Variants in FAM149A observed in about 807,000 individuals in gnomAD.
The protein encoded by FAM149A is family with sequence similarity 149 member A, also known as protein FAM149A.
FAM149A carries 71 observed loss-of-function variants against 78.2 expected under a neutral mutation model. That is an observed-to-expected ratio of 0.91 (90% confidence interval 0.75 to 1.11). FAM149A has a LOEUF of 1.11. FAM149A is among the 50% of genes least tolerant of loss of function. The probability of loss-of-function intolerance (pLI) is 0.00; values close to 1 mark genes in which losing one functional copy is unlikely to be tolerated. For synonymous variants in FAM149A, 446 were observed against 410.5 expected (o/e 1.09, Z -1.04); for missense variants, 1,036 against 971.0 (o/e 1.07, Z -0.89).
chr4:186,144,709 C>A lies in FAM149A; in HGVS notation c.567-4464C>A. ...GCAGGGAGCGGGGAAGGCGCGCTTT[C>A]CCGGAGGTCGGCGCGGGGCCGGGGC... On this transcript the variant is annotated intron_variant, in intron 1 of 13. Coordinates refer to ENST00000389354, the MANE Select transcript of FAM149A (RefSeq NM_001367768.3). This position sits in a 1 kb window ranked among gnomAD's most constrained non-coding sequence, Gnocchi z 4.2. 2.9e-6 allele frequency: 2 copies of A among 698,054 alleles called. No homozygotes were observed. Among genetic ancestry groups the A allele is most frequent in the Non-Finnish European group, 3.5e-6 (2 of 575,976 alleles). 43.2% of individuals were successfully genotyped at this position (698,054 alleles called of 1,614,324 possible).
intron 1 of FAM149A, chr4:186,125,442 C>A: frequency 1.5e-6 from 1 of 666,334 alleles, no homozygotes; most frequent in Non-Finnish European, 1.9e-6. Flanking sequence ...CGCTGCCTCT[C>A]GGGAGCTGAT....
intron 1 of FAM149A, among the ~76,000 whole-genome samples, chr4:186,108,903 A>G (rs1055964521): frequency 6.7e-5 from 10 of 148,302 alleles, no homozygotes; most frequent in East Asian, 4.0e-4. Flanking sequence ...GCTGGAGTGC[A>G]GTGGCGCGAT....
At chr4:186,151,663 TC>T in intron 3 of FAM149A, 1 of 940,964 alleles carries the variant, frequency 1.1e-6, no homozygotes, top group Non-Finnish European at 1.3e-6. Context: ...TCTCATAACT[TC>T]CGTGGCAGAA....
intron 1 of FAM149A, among the ~76,000 whole-genome samples, chr4:186,117,089 A>G (rs1715053): frequency 0.99 from 150,293 of 152,262 alleles, 74,208 homozygotes; most frequent in Non-Finnish European, 1. Flanking sequence ...TGCCTATTCA[A>G]AGAGACATTG....
chr4:186,171,950 C>G lies in FAM149A; in HGVS notation c.2255C>G (p.Thr752Ser), dbSNP rs1735575359. The G allele has an allele frequency of 6.2e-7, 1 of 1,612,492 alleles. No individual in the cohort carries two copies. Among genetic ancestry groups the G allele is most frequent in the Non-Finnish European group, 8.5e-7 (1 of 1,179,340 alleles). Residue 752 changes from threonine (T) to serine (S), a missense_variant, in exon 14 of 14, where the codon ACT becomes AGT. Thr to Ser is a moderately conservative substitution (Grantham distance 58). Around this residue, in one of 3 missense-constraint regions of FAM149A, gnomAD observed 716 missense variants for 711.8 expected, o/e 1.01. Transcript: ENST00000389354. ...GTGCCTAAATCTTTTCAGAGGACAA[C>G]TTTGACTTTCAAGAGGAGATTCCAA...
At chr4:186,168,091 T>C (rs1735211371) in intron 13 of FAM149A, among the ~76,000 whole-genome samples, 1 of 152,236 alleles carries the variant, frequency 6.6e-6, no homozygotes, top group Non-Finnish European at 1.5e-5. Flanking sequence ...TAAAAATAAA[T>C]TTCGTAACAT....
chr4:186,135,632 T>C (rs750564900), intron 1 of FAM149A, among the ~76,000 whole-genome samples: 2 of 152,208 alleles, frequency 1.3e-5, no homozygotes, highest in Non-Finnish European at 2.9e-5. Context: ...GACAGCGCTG[T>C]CTATACCTCG....
rs562117423 is a variant in FAM149A at position 186,169,805 on chromosome 4, C to T, written c.2219-2109C>T. 3.3e-4 allele frequency: 325 copies of T among 985,392 alleles called. 2 individuals are homozygous for T. The African/African-American group carries it at 5.3e-3, about 16-fold the overall frequency. The allele number at this position is 985,392 out of a possible 1,614,324, so 61.0% of individuals were successfully genotyped here. On this transcript the variant is annotated intron_variant, in intron 13 of 13. Coordinates refer to ENST00000389354, the MANE Select transcript of FAM149A (RefSeq NM_001367768.3). The stretch of plus-strand genomic sequence containing the variant: ...ATATGGCCACTTAACTCATGTAGGA[C>T]CCAGGGAACGGTCCATGCCAGTCAT...
intron 8 of FAM149A, among the ~76,000 whole-genome samples, chr4:186,162,333 C>A (rs1244632251): frequency 6.6e-6 from 1 of 152,192 alleles, no homozygotes; most frequent in African/African-American, 2.4e-5. Flanking sequence ...AGGTCCCAGG[C>A]AAGCAGGACA....
At chr4:186,161,214 A>G (rs1019653302) in intron 8 of FAM149A, among the ~76,000 whole-genome samples, 7 of 152,208 alleles carry the variant, frequency 4.6e-5, no homozygotes, top group African/African-American at 1.7e-4. Flanking sequence ...AGAGTAGGGT[A>G]AGATATGAAC....
At chr4:186,162,804 G>C (rs1398271503) in intron 8 of FAM149A, 41 bp from the exon 9 acceptor site, 1 of 999,792 alleles carries the variant, frequency 1.0e-6, no homozygotes. Context: ...CTGGGCATTT[G>C]TAATTCTTTT....
At position 186,162,807 on chromosome 4, in the gene FAM149A, ATTCTTTTTT is replaced by A. The variant is rs775149582; in HGVS notation, c.1576-35_1576-27del. On this transcript the variant is annotated intron_variant, in intron 8 of 13. Coordinates refer to ENST00000389354, the MANE Select transcript of FAM149A (RefSeq NM_001367768.3). ...ATTGGAACGGCACTGGGCATTTGTA[ATTCTTTTTT>A]TTTTTTTTTTTTTTTTTACTGTTCT... is the stretch of plus-strand genomic sequence containing the variant. 8.0e-6 allele frequency: 8 copies of A among 994,200 alleles called. 1 individual carries two copies. The highest frequency in any genetic ancestry group is 5.0e-5 in the Admixed American group (2 of 39,830). The allele number at this position is 994,200 out of a possible 1,614,324, so 61.6% of individuals were successfully genotyped here. A position where few individuals can be genotyped will look rare whatever the true frequency, so the allele number is the denominator to read the frequency against.
intron 6 of FAM149A, chr4:186,155,056 G>A (rs1016627569): frequency 1.3e-5 from 6 of 448,204 alleles, no homozygotes; most frequent in South Asian, 1.9e-4. Flanking sequence ...TCCGCCTCCC[G>A]GGTTCACGCC....
At chr4:186,124,215 G>T (rs975856345) in intron 1 of FAM149A, 2 of 985,160 alleles carry the variant, frequency 2.0e-6, no homozygotes, top group Non-Finnish European at 2.4e-6. Context: ...CAGAGGGTGG[G>T]TTGGCTTTCG....
At chr4:186,143,464 T>C (rs2126422530) in intron 1 of FAM149A, among the ~76,000 whole-genome samples, 1 of 152,246 alleles carries the variant, frequency 6.6e-6, no homozygotes, top group East Asian at 1.9e-4. Flanking sequence ...ATCTCATTAA[T>C]TTTATAATTT....
intron 1 of FAM149A, chr4:186,116,754 T>A: frequency 1.0e-6 from 1 of 982,272 alleles, no homozygotes; most frequent in South Asian, 4.7e-5. Context: ...ATCTTGAAAA[T>A]TGTATTTGAG....
intron 6 of FAM149A, chr4:186,154,921 G>A (rs1733916679): frequency 1.0e-6 from 1 of 985,208 alleles, no homozygotes; most frequent in Non-Finnish European, 1.2e-6. Flanking sequence ...CTGCCCAAAA[G>A]GGCCTAAGGG....
In FAM149A at chr4:186,165,398, G is replaced by C. The variant is rs148278055; in HGVS notation, c.1944G>C (p.Arg648Ser). ...CACTGGTTCAAACGTCACGGAGCAG[G>C]TTCCCCCCGCTAGTCACGGAGACCA... The change falls in exon 11 of 14, where the codon AGG becomes AGC. Residue 648 changes from arginine (R) to serine (S), a missense_variant. Physicochemically the swap from Arg to Ser is moderately radical, Grantham distance 110 (BLOSUM62 -1). Around this residue, in one of 3 missense-constraint regions of FAM149A, gnomAD observed 716 missense variants for 711.8 expected, o/e 1.01. Transcript: ENST00000389354. The C allele has an allele frequency of 1.7e-5, 27 of 1,614,090 alleles. No individual in the cohort carries two copies. Among genetic ancestry groups the C allele is most frequent in the Middle Eastern group, 3.3e-4 (2 of 6,084 alleles).
intron 13 of FAM149A, chr4:186,169,373 G>A (rs1735338486): frequency 1.0e-6 from 1 of 985,342 alleles, no homozygotes; most frequent in African/African-American, 1.7e-5. Context: ...TGATGTTGGT[G>A]CAATGAGGCG....
Sources: gnomAD v4.1 joint callset for allele counts (sites outside exome capture counted in the v4.1 genomes callset) on GRCh38, gnomAD v4.1.1 for gene constraint, gnomAD v4.1.1 regional missense constraint, Gnocchi (gnomAD v3.1) non-coding constraint, MANE v1.5 for transcripts, NCBI Gene and HGNC (gene_info 2026-07-23, HGNC 2026-07-21) for gene names.